RPL15: variants seen among roughly 807,000 people sequenced by gnomAD.
RPL15 encodes large ribosomal subunit protein eL15.
For synonymous variants in RPL15, 97 were observed against 95.1 expected (o/e 1.02, Z -0.12); for missense variants, 161 against 271.8 (o/e 0.59, Z 2.87).
At chr3:23,921,411 A>AT (rs1274671028), downstream of RPL15, among the ~76,000 whole-genome samples, 1 of 152,148 alleles carries the variant, frequency 6.6e-6, no homozygotes, top group Non-Finnish European at 1.5e-5. Context: ...TGTTCTTCAA[A>AT]TACACCAAAC....
chr3:23,924,036 C>G (rs1705164309), downstream of RPL15: 1 of 152,200 alleles, frequency 6.6e-6, no homozygotes, highest in Non-Finnish European at 1.5e-5. Flanking sequence ...CCAAGAAAAA[C>G]AACAGTTGGT....
downstream of RPL15, among the ~76,000 whole-genome samples, chr3:23,921,134 CAAAA>C (rs565783918): frequency 6.6e-6 from 1 of 151,726 alleles, no homozygotes. Context: ...GACCTAAAAA[CAAAA>C]AAAATCCTTA....
rs1216239666 is a variant in RPL15 at position 23,920,200 on chromosome 3, C to G, written c.*699C>G. 1 of 985,588 alleles carries G rather than the reference C, an allele frequency of 1.0e-6. No individual in the cohort carries two copies. 61.1% of individuals were successfully genotyped at this position (985,588 alleles called of 1,614,324 possible). On this transcript the variant is annotated 3_prime_UTR_variant, in exon 4 of 4. Coordinates refer to ENST00000307839, the MANE Select transcript of RPL15 (RefSeq NM_002948.5). ...AATACCTTTCAAGTGTGAGCTTAGACGTCAACCCTAAAATACTTAACCGTA... is the reference window on the plus strand; with the variant it reads ...AATACCTTTCAAGTGTGAGCTTAGAGGTCAACCCTAAAATACTTAACCGTA...
Position 23,920,850 on chromosome 3 carries a change from G to A in RPL15, c.*1349G>A. Reference sequence around the variant, plus strand: ...AATGTCTATTAAACTAAAACAAATGGACCTTCTGTTATTTTTTGTCATCTT... The same window carrying A: ...AATGTCTATTAAACTAAAACAAATGAACCTTCTGTTATTTTTTGTCATCTT... On this transcript the variant is annotated 3_prime_UTR_variant, in exon 4 of 4. Transcript: ENST00000307839. The A allele has an allele frequency of 1.1e-6, 1 of 881,018 alleles. No individual in the cohort carries two copies. The highest frequency in any genetic ancestry group is 1.4e-6 in the Non-Finnish European group (1 of 734,996). The allele number at this position is 881,018 out of a possible 1,614,324, so 54.6% of individuals were successfully genotyped here. A position where few individuals can be genotyped will look rare whatever the true frequency, so the allele number is the denominator to read the frequency against.
At position 23,920,535 on chromosome 3, in the gene RPL15, TC is replaced by T. The variant is rs1705019919; in HGVS notation, c.*1036del. On this transcript the variant is annotated 3_prime_UTR_variant, in exon 4 of 4. Coordinates refer to ENST00000307839, the MANE Select transcript of RPL15 (RefSeq NM_002948.5). ...TTGCATTTCTGTTTGCACCATGTCT[TC>T]CAGGAGACTAGACTACTGTTGTCCA... 2 of 985,256 alleles carry T rather than the reference TC, an allele frequency of 2.0e-6. No individual in the cohort carries two copies. Among genetic ancestry groups the T allele is most frequent in the African/African-American group, 1.7e-5 (1 of 57,228 alleles). The allele number at this position is 985,256 out of a possible 1,614,324, so 61.0% of individuals were successfully genotyped here.
Position 23,919,887 on chromosome 3 carries a change from C to T in RPL15, c.*386C>T. ...GCTCTGCTGGTTTATTTTCAAGTGGCTGCGTTTTTTTTAGTTTGGCAGGTG... is the reference window on the plus strand; with the variant it reads ...GCTCTGCTGGTTTATTTTCAAGTGGTTGCGTTTTTTTTAGTTTGGCAGGTG... On this transcript the variant is annotated 3_prime_UTR_variant, in exon 4 of 4. Transcript: ENST00000307839. The T allele has an allele frequency of 1.0e-6, 1 of 995,952 alleles. No homozygotes were observed. Among genetic ancestry groups the T allele is most frequent in the Non-Finnish European group, 1.2e-6 (1 of 837,024 alleles). The allele number at this position is 995,952 out of a possible 1,614,324, so 61.7% of individuals were successfully genotyped here. A position where few individuals can be genotyped will look rare whatever the true frequency, so the allele number is the denominator to read the frequency against.
chr3:23,920,891 T>G lies in RPL15; in HGVS notation c.*1390T>G, dbSNP rs1705043329. ...TTGTCATCTTACAGTGCTAATGTAC[T>G]TTAAAGCAAACCAAATGCCCTAACC... On this transcript the variant is annotated 3_prime_UTR_variant, in exon 4 of 4. Coordinates refer to ENST00000307839, the MANE Select transcript of RPL15 (RefSeq NM_002948.5). 1.8e-6 allele frequency: 1 copy of G among 556,484 alleles called. No individual in the cohort carries two copies. 34.5% of individuals were successfully genotyped at this position (556,484 alleles called of 1,614,324 possible).
At chr3:23,921,800 C>G, downstream of RPL15, 1 of 570,250 alleles carries the variant, frequency 1.8e-6, no homozygotes. Context: ...GTCTCGAACT[C>G]CTGACCTCAA....
At chr3:23,921,877 A>G (rs1363821381), downstream of RPL15, 2 of 458,564 alleles carry the variant, frequency 4.4e-6, no homozygotes, top group Non-Finnish European at 7.7e-6. Context: ...CCCCAGCCCA[A>G]TTTTTATTTT....
chr3:23,919,738 A>G lies in RPL15; in HGVS notation c.*237A>G. ...TTATTAGGGAGTTGTATGTCAGTGT[A>G]TAAAACATACTGTGTGGTATAACAG... On this transcript the variant is annotated 3_prime_UTR_variant, in exon 4 of 4. Transcript: ENST00000307839. The G allele has an allele frequency of 2.3e-6, 3 of 1,323,432 alleles. No individual in the cohort carries two copies. The highest frequency in any genetic ancestry group is 2.9e-6 in the Non-Finnish European group (3 of 1,039,482). The allele number at this position is 1,323,432 out of a possible 1,614,324, so 82.0% of individuals were successfully genotyped here. A position where few individuals can be genotyped will look rare whatever the true frequency, so the allele number is the denominator to read the frequency against.
At chr3:23,918,642 C>A in intron 3 of RPL15, 66 bp downstream of exon 3, 1 of 1,551,996 alleles carries the variant, frequency 6.4e-7, no homozygotes, top group Non-Finnish European at 8.7e-7. Flanking sequence ...AGAGATTAAG[C>A]AACTTTTCTG....
In RPL15 at chr3:23,919,768, A is replaced by G; in HGVS notation, c.*267A>G. 9 of 1,162,538 alleles carry G rather than the reference A, an allele frequency of 7.7e-6. No individual in the cohort carries two copies. The highest frequency in any genetic ancestry group is 9.5e-6 in the Non-Finnish European group (9 of 943,218). The allele number at this position is 1,162,538 out of a possible 1,614,324, so 72.0% of individuals were successfully genotyped here. ...ACATACTGTGTGGTATAACAGGCTT[A>G]ATAAATTCTTTAAAAGGAGAGAACT... On this transcript the variant is annotated 3_prime_UTR_variant, in exon 4 of 4. Coordinates refer to ENST00000307839, the MANE Select transcript of RPL15 (RefSeq NM_002948.5).
In RPL15 at chr3:23,918,507, T is replaced by A. The variant is rs149401472; in HGVS notation, c.240T>A (p.Thr80=). 1.7e-5 allele frequency: 27 copies of A among 1,613,970 alleles called. No individual in the cohort carries two copies. In the African/African-American group the frequency reaches 3.1e-4, roughly 18 times the overall value. The part of the protein sequence containing the change: ...GRKRPVPKGA[T]YGKPVHHGVN... The stretch of plus-strand genomic sequence containing the variant: ...AACGCCCAGTTCCTAAGGGTGCAAC[T>A]TACGGCAAGCCTGTCCATCATGGTG... The change falls in exon 3 of 4, where the codon ACT becomes ACA. Residue 80 remains threonine (T), a synonymous_variant. Transcript: ENST00000307839.
At position 23,919,563 on chromosome 3, in the gene RPL15, C is replaced by T. The variant is rs1704955313; in HGVS notation, c.*62C>T. On this transcript the variant is annotated 3_prime_UTR_variant, in exon 4 of 4. Coordinates refer to ENST00000307839, the MANE Select transcript of RPL15 (RefSeq NM_002948.5). ...AATTTAGGACAGTCATGTCTGCTTA[C>T]AGGTGTTATTTGTCTGTTAAAACTA... 3 of 1,445,032 alleles carry T rather than the reference C, an allele frequency of 2.1e-6. No homozygotes were observed. The highest frequency in any genetic ancestry group is 2.5e-5 in the East Asian group (1 of 40,222). The allele number at this position is 1,445,032 out of a possible 1,614,324, so 89.5% of individuals were successfully genotyped here. A position where few individuals can be genotyped will look rare whatever the true frequency, so the allele number is the denominator to read the frequency against.
intron 2 of RPL15, 79 bp from the exon 3 acceptor site, chr3:23,918,351 TTTTTGGTGGA>T: frequency 7.0e-7 from 1 of 1,425,174 alleles, no homozygotes. Flanking sequence ...TGTTGAAGTA[TTTTTGGTGGA>T]GTATTAGTGA....
rs142052173 is a variant in RPL15, at chr3:23,920,375, C to T, written c.*874C>T. On this transcript the variant is annotated 3_prime_UTR_variant, in exon 4 of 4. Coordinates refer to ENST00000307839, the MANE Select transcript of RPL15 (RefSeq NM_002948.5). ...CATAGGCTACAGAAAAAGTCACAAGCGCATGGTTTCCAACCATATGTGTTT... is the reference window on the plus strand; with the variant it reads ...CATAGGCTACAGAAAAAGTCACAAGTGCATGGTTTCCAACCATATGTGTTT... 11 of 985,342 alleles carry T rather than the reference C, an allele frequency of 1.1e-5. No individual in the cohort carries two copies. Among genetic ancestry groups the T allele is most frequent in the East Asian group, 1.1e-4 (1 of 8,814 alleles). 61.0% of individuals were successfully genotyped at this position (985,342 alleles called of 1,614,324 possible).
At chr3:23,921,714 A>G (rs762026925), downstream of RPL15, 171 of 648,234 alleles carry the variant, frequency 2.6e-4, no homozygotes, top group Non-Finnish European at 4.2e-4. Context: ...AGCCAGGACT[A>G]CAGGCGCACA....
chr3:23,919,660 G>A lies in RPL15; in HGVS notation c.*159G>A. 1 of 1,412,216 alleles carries A rather than the reference G, an allele frequency of 7.1e-7. No individual in the cohort carries two copies. The highest frequency in any genetic ancestry group is 1.4e-5 in the African/African-American group (1 of 69,622). 87.5% of individuals were successfully genotyped at this position (1,412,216 alleles called of 1,614,324 possible). ...GTGCAATAATGTTTGAAGACAATAA[G>A]TGGTGGTGTATCTTGTTTCTAATAA... On this transcript the variant is annotated 3_prime_UTR_variant, in exon 4 of 4. Coordinates refer to ENST00000307839, the MANE Select transcript of RPL15 (RefSeq NM_002948.5).
chr3:23,917,894 G>A lies in RPL15; in HGVS notation c.35G>A (p.Arg12Lys). 2.5e-6 allele frequency: 4 copies of A among 1,612,168 alleles called. No homozygotes were observed. Among genetic ancestry groups the A allele is most frequent in the Non-Finnish European group, 3.4e-6 (4 of 1,179,488 alleles). Residue 12 changes from arginine to lysine, a missense_variant, in exon 2 of 4, where the codon AGA becomes AAA. Arg to Lys is a conservative substitution (Grantham distance 26, BLOSUM62 2). Transcript: ENST00000307839. ...GAYKYIQELW[R>K]KKQSDVMRFL... ...TACAAGTACATCCAGGAGCTATGGA[G>A]AAAGAAGCAGTCTGATGTCATGCGC... is the stretch of plus-strand genomic sequence containing the variant.
Sources: allele counts gnomAD v4.1 joint callset (sites outside exome capture counted in the v4.1 genomes callset), GRCh38; gene constraint gnomAD v4.1.1; transcripts MANE v1.5; gene names NCBI Gene and HGNC (gene_info 2026-07-23, HGNC 2026-07-21).